The following CTNNA3 variants were observed in gnomAD, a reference collection of about 807,000 sequenced individuals.
CTNNA3 encodes the protein catenin alpha 3.
A neutral mutation model predicts 95.7 loss-of-function variants in CTNNA3; 76 were observed. The observed-to-expected ratio is 0.79, with a 90% CI of 0.66 to 0.96. The LOEUF is 0.96. Ranked by LOEUF, CTNNA3 falls within the 40% of genes least tolerant of loss-of-function variation. The pLI, the probability that CTNNA3 is intolerant of heterozygous loss-of-function variation, is 0.00. For missense variants in CTNNA3, 1,191 were observed against 1,089.8 expected, an observed-to-expected ratio of 1.09 and a Z score of -1.31; for synonymous variants, 431 against 374.4, an observed-to-expected ratio of 1.15 and a Z score of -1.74.
intron 15 of CTNNA3, among the ~76,000 whole-genome samples, chr10:66,028,755 G>A (rs1056337064): frequency 6.6e-5 from 10 of 151,978 alleles, no homozygotes; most frequent in African/African-American, 2.2e-4. Context: ...TTAAAAAAAA[G>A]GGAAAATGAC....
intron 12 of CTNNA3, among the ~76,000 whole-genome samples, chr10:66,322,269 T>C (rs1390189405): frequency 6.6e-6 from 1 of 152,100 alleles, no homozygotes; most frequent in African/African-American, 2.4e-5. Flanking sequence ...TCGAAAAATA[T>C]GTGCAACAGC....
intron 5 of CTNNA3, among the ~76,000 whole-genome samples, chr10:67,508,775 T>C (rs926190480): frequency 5.3e-5 from 8 of 152,126 alleles, no homozygotes; most frequent in African/African-American, 1.9e-4. Context: ...GAGGTTAGTA[T>C]TGAAAATCTA....
At chr10:66,698,368 G>A (rs1207480012) in intron 9 of CTNNA3, among the ~76,000 whole-genome samples, 1 of 152,150 alleles carries the variant, frequency 6.6e-6, no homozygotes, top group Non-Finnish European at 1.5e-5. Flanking sequence ...GGAAAATGTA[G>A]GCAGGAGCTG....
At chr10:66,016,786 A>T (rs1211546038) in intron 15 of CTNNA3, among the ~76,000 whole-genome samples, 2 of 152,188 alleles carry the variant, frequency 1.3e-5, no homozygotes, top group Non-Finnish European at 2.9e-5. Context: ...TTAAGGTAAA[A>T]TATGACAGTA....
At chr10:66,193,035 ATTTAC>A (rs541804446) in intron 13 of CTNNA3, among the ~76,000 whole-genome samples, 31 of 152,260 alleles carry the variant, frequency 2.0e-4, no homozygotes, top group African/African-American at 7.5e-4. Context: ...TCAGAAAAGT[ATTTAC>A]TTAGAAAAAA....
intron 12 of CTNNA3, among the ~76,000 whole-genome samples, chr10:66,345,839 G>A (rs547592107): frequency 3.9e-5 from 6 of 151,964 alleles, no homozygotes; most frequent in African/African-American, 1.2e-4. Flanking sequence ...ACTTTGGGAG[G>A]CCAAGGCGGG....
At chr10:66,638,710 T>C (rs1405911132) in intron 9 of CTNNA3, among the ~76,000 whole-genome samples, 2 of 152,168 alleles carry the variant, frequency 1.3e-5, no homozygotes, top group Admixed American at 1.3e-4. Flanking sequence ...TCACAGCTGG[T>C]ACTTTCTGGT....
At chr10:67,291,003 G>A (rs531109735) in intron 5 of CTNNA3, among the ~76,000 whole-genome samples, 1 of 152,208 alleles carries the variant, frequency 6.6e-6, no homozygotes, top group South Asian at 2.1e-4. Context: ...AATAGGTGAT[G>A]TTACAGATGA....
intron 7 of CTNNA3, among the ~76,000 whole-genome samples, chr10:66,828,405 C>T (rs75172124): frequency 0.073 from 11,124 of 152,244 alleles, 614 homozygotes; most frequent in African/African-American, 0.15. Context: ...GCCCCTTGCA[C>T]TTACCTCCAT....
At chr10:67,084,088 C>T (rs1173749082) in intron 7 of CTNNA3, among the ~76,000 whole-genome samples, 1 of 152,092 alleles carries the variant, frequency 6.6e-6, no homozygotes, top group African/African-American at 2.4e-5. Flanking sequence ...TATAAACAAG[C>T]ACAAAATATG....
intron 1 of CTNNA3, among the ~76,000 whole-genome samples, chr10:67,684,134 C>T (rs1840682899): frequency 6.6e-6 from 1 of 152,224 alleles, no homozygotes; most frequent in Non-Finnish European, 1.5e-5. Flanking sequence ...GTCCATTTTA[C>T]AGAGCGCTGA....
At chr10:66,766,604 A>T (rs1174945495) in intron 8 of CTNNA3, among the ~76,000 whole-genome samples, 188 bp from the exon 9 acceptor site, 2 of 152,220 alleles carry the variant, frequency 1.3e-5, no homozygotes, top group Admixed American at 1.3e-4. Context: ...GGCAAAAAGA[A>T]AAAATCATCT....
chr10:65,923,919 A>T (rs1157850184), intron 17 of CTNNA3, among the ~76,000 whole-genome samples: 1 of 152,226 alleles, frequency 6.6e-6, no homozygotes, highest in South Asian at 2.1e-4. Flanking sequence ...TCCTAAAGCT[A>T]ATTTTTTTCT....
At chr10:67,615,595 A>G (rs1183275051) in intron 2 of CTNNA3, among the ~76,000 whole-genome samples, 1 of 152,020 alleles carries the variant, frequency 6.6e-6, no homozygotes, top group Non-Finnish European at 1.5e-5. Flanking sequence ...TCATTCTAAG[A>G]AGGTGGGGGA....
chr10:67,650,274 A>G (rs778945257), intron 1 of CTNNA3, among the ~76,000 whole-genome samples: 13 of 152,222 alleles, frequency 8.5e-5, no homozygotes, highest in Non-Finnish European at 1.6e-4. Context: ...GAAGCTTACT[A>G]TACCATTAGA....
chr10:66,845,052 G>T (rs1355711587), intron 7 of CTNNA3, among the ~76,000 whole-genome samples: 1 of 152,108 alleles, frequency 6.6e-6, no homozygotes, highest in Non-Finnish European at 1.5e-5. Context: ...AATTTGTAAG[G>T]AAGAATACAA....
chr10:66,981,640 C>A (rs1850449343), intron 7 of CTNNA3, among the ~76,000 whole-genome samples: 1 of 152,164 alleles, frequency 6.6e-6, no homozygotes, highest in Non-Finnish European at 1.5e-5. Context: ...TACAATATTG[C>A]ACATATTGAA....
intron 13 of CTNNA3, among the ~76,000 whole-genome samples, chr10:66,208,871 C>A (rs1484761492): frequency 6.6e-6 from 1 of 151,986 alleles, no homozygotes; most frequent in Non-Finnish European, 1.5e-5. Context: ...CCAAAGGGCC[C>A]AGGGGACACT....
At chr10:67,116,777 G>T (rs1001809491) in intron 7 of CTNNA3, among the ~76,000 whole-genome samples, 1 of 148,678 alleles carries the variant, frequency 6.7e-6, no homozygotes, top group East Asian at 1.9e-4. Context: ...TTTTGTTTAT[G>T]TGATTTAAGT....
Sources: gnomAD v4.1 joint callset for allele counts (sites outside exome capture counted in the v4.1 genomes callset) on GRCh38, gnomAD v4.1.1 for gene constraint, MANE v1.5 for transcripts, NCBI Gene and HGNC (gene_info 2026-07-23, HGNC 2026-07-21) for gene names.